Variants in FAM222B observed in about 807,000 individuals in gnomAD.
FAM222B encodes the protein family with sequence similarity 222 member B, also known as protein FAM222B.
In FAM222B, 12 loss-of-function variants were observed where a neutral mutation model predicts 38.0. The ratio of observed to expected loss-of-function variants is 0.32; its 90% CI spans 0.20 to 0.51. FAM222B has a LOEUF of 0.51. Among genes scored for constraint, FAM222B ranks in the 20% least tolerant of loss-of-function variants. The pLI is 0.97. For synonymous variants in FAM222B, 329 were observed against 317.2 expected (o/e 1.04, Z -0.40); for missense variants, 716 against 754.2 (o/e 0.95, Z 0.59).
rs1329310183 is a variant in FAM222B, at chr17:28,758,988, A to G, written c.971T>C (p.Val324Ala). Residue 324 changes from valine to alanine, a missense_variant, in exon 3 of 3, where the codon GTC becomes GCC. By Grantham distance (64) the Val-to-Ala change is moderately conservative (BLOSUM62 0). Transcript: ENST00000581407. The stretch of plus-strand genomic sequence containing the variant: ...CGCGTGGGTGTGCTCCATGGGATTG[A>G]CCACACATGAAGGCATTGGTGTGGG... ...SVPTPMPSCV[V>A]NPMEHTHAAT... is the part of the protein sequence containing the mutation. 6.2e-7 allele frequency: 1 copy of G among 1,612,332 alleles called. No individual in the cohort carries two copies. Among genetic ancestry groups the G allele is most frequent in the Non-Finnish European group, 8.5e-7 (1 of 1,179,282 alleles).
chr17:28,811,640 T>C (rs2037772651), intron 1 of FAM222B, among the ~76,000 whole-genome samples: 1 of 152,164 alleles, frequency 6.6e-6, no homozygotes, highest in African/African-American at 2.4e-5. Flanking sequence ...TCTAGTCAGG[T>C]TTCTCCAACA....
In FAM222B at chr17:28,758,486, G is replaced by A. The variant is rs536177109; in HGVS notation, c.1473C>T (p.Pro491=). Residue 491 remains proline, a synonymous_variant, in exon 3 of 3, where the codon CCC becomes CCT. Transcript: ENST00000581407. ...TGAPLDCAAA[P]GAHYRAGTGG... ...CGGTCCCTGCTCGGTAGTGGGCCCC[G>A]GGAGCTGCCGCACAGTCGAGGGGTG... The A allele has an allele frequency of 3.5e-5, 57 of 1,612,984 alleles. No individual in the cohort carries two copies. The highest frequency in any genetic ancestry group is 1.4e-4 in the South Asian group (13 of 91,056).
At chr17:28,782,875 C>T (rs1267969923) in intron 1 of FAM222B, among the ~76,000 whole-genome samples, 2 of 152,054 alleles carry the variant, frequency 1.3e-5, no homozygotes, top group Non-Finnish European at 2.9e-5. Context: ...CGGTGGCTCA[C>T]GGCTGTAATC....
intron 2 of FAM222B, among the ~76,000 whole-genome samples, chr17:28,762,428 C>T (rs989382949): frequency 6.6e-6 from 1 of 150,958 alleles, no homozygotes; most frequent in African/African-American, 2.4e-5. Context: ...GAGTTCAAGA[C>T]CAGCCTGCCC....
At chr17:28,822,832 A>AAAT (rs1567887716) in intron 1 of FAM222B, among the ~76,000 whole-genome samples, 11 of 42,794 alleles carry the variant, frequency 2.6e-4, no homozygotes, top group Non-Finnish European at 3.4e-4. Context: ...AAAAAAAAAA[A>AAAT]ATATATATAT....
chr17:28,783,004 G>A (rs577001995), intron 1 of FAM222B, among the ~76,000 whole-genome samples: 1 of 151,942 alleles, frequency 6.6e-6, no homozygotes, highest in Non-Finnish European at 1.5e-5. Flanking sequence ...CGGGTGAGGC[G>A]GTGGGTGCCT....
At chr17:28,830,224 C>G (rs1405915787) in intron 1 of FAM222B, among the ~76,000 whole-genome samples, 1 of 147,066 alleles carries the variant, frequency 6.8e-6, no homozygotes, top group African/African-American at 2.5e-5. Context: ...TGCAGTGGCG[C>G]GATCTTGGCT....
chr17:28,851,299 G>A (rs545036848), intron 1 of FAM222B, among the ~76,000 whole-genome samples: 170 of 151,450 alleles, frequency 1.1e-3, no homozygotes, highest in African/African-American at 3.9e-3. Context: ...TTGGGAGGCC[G>A]AGGTGGGTGG....
intron 1 of FAM222B, among the ~76,000 whole-genome samples, chr17:28,778,719 A>ATTTTT (rs59098589): frequency 9.4e-4 from 24 of 25,496 alleles, no homozygotes; most frequent in South Asian, 2.6e-3. Flanking sequence ...ATATATATAT[A>ATTTTT]TTTTTTTTTT....
intron 1 of FAM222B, among the ~76,000 whole-genome samples, chr17:28,790,915 T>TTTTTTTTTTTTTTTTTTTTTTTTTA (rs752443903): frequency 2.5e-5 from 3 of 121,088 alleles, no homozygotes; most frequent in Non-Finnish European, 3.4e-5. Context: ...TTTTTTTTTT[T>TTTTTTTTTTTTTTTTTTTTTTTTTA]AGAGACAGAA....
intron 1 of FAM222B, among the ~76,000 whole-genome samples, chr17:28,801,549 T>C (rs1006808404): frequency 6.7e-6 from 1 of 150,208 alleles, no homozygotes; most frequent in Non-Finnish European, 1.5e-5. Context: ...AATGTCTTCA[T>C]AATAGTAAAA....
chr17:28,836,665 C>A (rs556062016), intron 1 of FAM222B, among the ~76,000 whole-genome samples: 1 of 152,196 alleles, frequency 6.6e-6, no homozygotes, highest in East Asian at 1.9e-4. Flanking sequence ...CGGAACAGAA[C>A]AGGATGGGGA....
chr17:28,778,697 GTA>G (rs1204895077), intron 1 of FAM222B, among the ~76,000 whole-genome samples: 3,551 of 45,184 alleles, frequency 0.079, 470 homozygotes, highest in East Asian at 0.089. Flanking sequence ...GTGTGTGTGT[GTA>G]TATATATATA....
upstream of FAM222B, among the ~76,000 whole-genome samples, chr17:28,843,037 G>A (rs1052310701): frequency 2.6e-5 from 4 of 152,150 alleles, no homozygotes; most frequent in Non-Finnish European, 5.9e-5. Context: ...CTTCCCCAAG[G>A]AGCCACAGAC....
Position 28,758,610 on chromosome 17 carries a change from A to G in FAM222B, c.1349T>C (p.Phe450Ser), listed in dbSNP as rs545461060. ...APLAYPNGHYFQPLWNNILPT... is the reference protein window; with the variant it reads ...APLAYPNGHYSQPLWNNILPT... ...CAGAATGTTGTTCCACAGGGGTTGGAAGTAGTGACCATTGGGGTAGGCCAA... is the reference window on the plus strand; with the variant it reads ...CAGAATGTTGTTCCACAGGGGTTGGGAGTAGTGACCATTGGGGTAGGCCAA... The change falls in exon 3 of 3, where the codon TTC (phenylalanine) becomes TCC (serine). Residue 450 changes from phenylalanine (F) to serine (S), a missense_variant. Coordinates refer to ENST00000581407, the MANE Select transcript of FAM222B (RefSeq NM_001077498.3). The G allele has an allele frequency of 1.2e-6, 2 of 1,611,330 alleles. No individual in the cohort carries two copies. The highest frequency in any genetic ancestry group is 2.2e-5 in the South Asian group (2 of 91,070).
intron 1 of FAM222B, among the ~76,000 whole-genome samples, chr17:28,785,671 G>A (rs1169778381): frequency 6.6e-6 from 1 of 151,438 alleles, no homozygotes; most frequent in Non-Finnish European, 1.5e-5. Flanking sequence ...AAGTAGCTGA[G>A]ATTACAGGCA....
At chr17:28,772,224 T>G (rs985271543) in intron 1 of FAM222B, among the ~76,000 whole-genome samples, 2 of 152,196 alleles carry the variant, frequency 1.3e-5, no homozygotes, top group African/African-American at 4.8e-5. Context: ...TCCCAGTATT[T>G]TTTGGAAAGA....
At chr17:28,847,348 A>C (rs566983863), upstream of FAM222B, among the ~76,000 whole-genome samples, 5 of 151,480 alleles carry the variant, frequency 3.3e-5, no homozygotes, top group Non-Finnish European at 5.9e-5. Context: ...TAGTCCCAGC[A>C]CTTTGGGAGG....
intron 2 of FAM222B, among the ~76,000 whole-genome samples, chr17:28,762,479 T>A (rs1042476821): frequency 6.8e-6 from 1 of 146,938 alleles, no homozygotes; most frequent in Admixed American, 6.9e-5. Flanking sequence ...TACAAAAAAT[T>A]AGCCTGGGAT....
Sources: gnomAD v4.1 joint callset for allele counts (sites outside exome capture counted in the v4.1 genomes callset) on GRCh38, gnomAD v4.1.1 for gene constraint, MANE v1.5 for transcripts, NCBI Gene and HGNC (gene_info 2026-07-23, HGNC 2026-07-21) for gene names.